SLC16A12: variants seen among roughly 807,000 people sequenced by gnomAD.
SLC16A12 encodes the protein solute carrier family 16 member 12.
In SLC16A12, 17 loss-of-function variants were observed where a neutral mutation model predicts 42.4. The observed-to-expected ratio is 0.40, with a 90% CI of 0.27 to 0.60. The LOEUF is 0.60. Ranked by LOEUF, SLC16A12 falls within the 20% of genes least tolerant of loss-of-function variation. The probability of loss-of-function intolerance (pLI) is 0.42; values close to 1 mark genes in which losing one functional copy is unlikely to be tolerated. For synonymous variants in SLC16A12, 224 were observed against 229.4 expected (o/e 0.98, Z 0.21); for missense variants, 544 against 623.0 (o/e 0.87, Z 1.35).
intron 2 of SLC16A12, among the ~76,000 whole-genome samples, chr10:89,533,896 T>C (rs544348625): frequency 3.3e-5 from 5 of 152,128 alleles, no homozygotes; most frequent in African/African-American, 9.6e-5. Flanking sequence ...GCTAGTCATA[T>C]TATTTTTGCT....
chr10:89,436,439 G>A lies in SLC16A12; in HGVS notation c.1029-120C>T, dbSNP rs967378768. On this transcript the variant is annotated intron_variant, in intron 6 of 7. Transcript: ENST00000371790. ...TTTACAGAGATGGCTTTCCCATTGT[G>A]TGTTATGTATGCTGTCTTCCTATCT... 17 of 1,199,646 alleles carry A rather than the reference G, an allele frequency of 1.4e-5. No homozygotes were observed. In the African/African-American group the frequency reaches 2.1e-4, roughly 15 times the overall value. 74.3% of individuals were successfully genotyped at this position (1,199,646 alleles called of 1,614,324 possible). A position where few individuals can be genotyped will look rare whatever the true frequency, so the allele number is the denominator to read the frequency against.
chr10:89,444,007 A>G (rs1841958342), intron 3 of SLC16A12, 148 bp from the exon 4 acceptor site: 3 of 673,736 alleles, frequency 4.5e-6, no homozygotes, highest in Admixed American at 2.1e-5. Context: ...GAAGCTGACC[A>G]TTTGGGCCAT....
chr10:89,444,827 G>T (rs1841972722), intron 3 of SLC16A12, among the ~76,000 whole-genome samples: 1 of 152,170 alleles, frequency 6.6e-6, no homozygotes, highest in African/African-American at 2.4e-5. Flanking sequence ...AAGCACAAGG[G>T]GATTTCCCTT....
intron 2 of SLC16A12, among the ~76,000 whole-genome samples, chr10:89,542,069 G>A (rs1040782901): frequency 2.6e-5 from 4 of 152,138 alleles, no homozygotes; most frequent in Admixed American, 1.3e-4. Flanking sequence ...TGACAAATAC[G>A]AGAGTGGCGG....
At chr10:89,439,785 T>C (rs1211583304) in intron 5 of SLC16A12, among the ~76,000 whole-genome samples, 2 of 152,086 alleles carry the variant, frequency 1.3e-5, no homozygotes, top group African/African-American at 4.8e-5. Context: ...GACCTTCAAC[T>C]TTTGGGCTGG....
At chr10:89,454,375 C>T (rs1842148732) in intron 3 of SLC16A12, among the ~76,000 whole-genome samples, 1 of 152,114 alleles carries the variant, frequency 6.6e-6, no homozygotes, top group South Asian at 2.1e-4. Context: ...ACACCAGCAC[C>T]TTTCTCTGGT....
intron 2 of SLC16A12, among the ~76,000 whole-genome samples, chr10:89,525,085 G>A (rs1167605275): frequency 1.3e-5 from 2 of 152,140 alleles, no homozygotes; most frequent in African/African-American, 2.4e-5. Flanking sequence ...CCTGGGCGTG[G>A]CGCCGTGCGC....
chr10:89,462,699 C>A, intron 2 of SLC16A12, 75 bp from the exon 3 acceptor site: 1 of 1,421,772 alleles, frequency 7.0e-7, no homozygotes, highest in Non-Finnish European at 9.2e-7. Flanking sequence ...CTTGGTAAGA[C>A]ATGATTATTA....
chr10:89,513,005 C>G (rs1247420515), intron 2 of SLC16A12, among the ~76,000 whole-genome samples: 1 of 152,150 alleles, frequency 6.6e-6, no homozygotes, highest in Non-Finnish European at 1.5e-5. Context: ...TGGAGGACTA[C>G]TCAGTGTGGA....
chr10:89,518,649 T>C (rs965142722), intron 2 of SLC16A12, among the ~76,000 whole-genome samples: 1 of 152,078 alleles, frequency 6.6e-6, no homozygotes, highest in Non-Finnish European at 1.5e-5. Flanking sequence ...TTTAGGAAGA[T>C]TAGGATTGAA....
chr10:89,529,919 C>A (rs964658035), intron 2 of SLC16A12, among the ~76,000 whole-genome samples: 4 of 152,106 alleles, frequency 2.6e-5, no homozygotes, highest in Non-Finnish European at 5.9e-5. Flanking sequence ...TCTCTAGATA[C>A]AGAAATGAGT....
At chr10:89,433,814 T>C (rs1841733398) in intron 7 of SLC16A12, among the ~76,000 whole-genome samples, 1 of 152,176 alleles carries the variant, frequency 6.6e-6, no homozygotes, top group African/African-American at 2.4e-5. Context: ...AGTTTGAAAA[T>C]CAGAACTTTC....
exon 2 of SLC16A12, chr10:89,555,908 G>A (rs1041440850): frequency 1.3e-5 from 2 of 150,960 alleles, no homozygotes; most frequent in African/African-American, 2.4e-5. Flanking sequence ...TCTGTGATGC[G>A]GTCACGGCTT....
chr10:89,438,943 T>G lies in SLC16A12; in HGVS notation c.689A>C (p.Lys230Thr), dbSNP rs1841854307. 6.2e-7 allele frequency: 1 copy of G among 1,614,046 alleles called. No individual in the cohort carries two copies. Among genetic ancestry groups the G allele is most frequent in the Non-Finnish European group, 8.5e-7 (1 of 1,180,030 alleles). The change falls in exon 6 of 8, where the codon AAA becomes ACA. Residue 230 changes from lysine (K) to threonine (T), a missense_variant. Physicochemically the swap from Lys to Thr is moderately conservative, Grantham distance 78. Transcript: ENST00000371790. Reference sequence around the variant, plus strand: ...CTGCTCTGGAGTTGTGTGGTCCTCTTTAAGAGTAATTGGCCTCATCAAGGC... The same window carrying G: ...CTGCTCTGGAGTTGTGTGGTCCTCTGTAAGAGTAATTGGCCTCATCAAGGC... Reference protein sequence around the residue: ...CGALMRPITLKEDHTTPEQNH... With the variant: ...CGALMRPITLTEDHTTPEQNH...
chr10:89,489,500 G>A (rs775836376), intron 2 of SLC16A12, among the ~76,000 whole-genome samples: 5 of 151,822 alleles, frequency 3.3e-5, no homozygotes, highest in African/African-American at 7.3e-5. Flanking sequence ...CACTGTACCC[G>A]GCTAACTTTT....
At chr10:89,486,604 AAAGAAAGAAAGAAAGAAAGAAAGAAAG>A (rs1393483687) in intron 2 of SLC16A12, among the ~76,000 whole-genome samples, 1 of 38,182 alleles carries the variant, frequency 2.6e-5, no homozygotes, top group African/African-American at 1.2e-4. Flanking sequence ...AAAAAAAAAA[AAAGAAAGAAAGAAAGAAAGAAAGAAAG>A]AAAGAAAGAA....
chr10:89,541,582 G>A (rs1843716358), intron 2 of SLC16A12, among the ~76,000 whole-genome samples: 3 of 152,274 alleles, frequency 2.0e-5, no homozygotes, highest in South Asian at 2.1e-4. Context: ...ACTAGACCCA[G>A]TCTCTAAAAA....
chr10:89,469,638 C>T (rs1842462196), intron 2 of SLC16A12, among the ~76,000 whole-genome samples: 1 of 152,130 alleles, frequency 6.6e-6, no homozygotes, highest in African/African-American at 2.4e-5. Context: ...GTATTCTCAC[C>T]TTATAAATTT....
chr10:89,436,319 C>T lies in SLC16A12; in HGVS notation c.1029G>A (p.Arg343=), dbSNP rs1841785861. The T allele has an allele frequency of 1.2e-6, 2 of 1,614,004 alleles. No homozygotes were observed. Among genetic ancestry groups the T allele is most frequent in the Non-Finnish European group, 1.7e-6 (2 of 1,179,930 alleles). The change falls in exon 7 of 8, where the codon AGG becomes AGA. Residue 343 remains arginine (R), a splice_region_variant and synonymous_variant. Coordinates refer to ENST00000371790, the MANE Select transcript of SLC16A12 (RefSeq NM_213606.4). The part of the protein sequence containing the change: ...NITFGWLTDR[R]CLKNYQYVCY... ...AAACATACTGGTAATTCTTCAGACA[C>T]CTGTAGATTTGAAGAACAAGAATAA... is the stretch of plus-strand genomic sequence containing the variant.
Sources: allele counts gnomAD v4.1 joint callset (sites outside exome capture counted in the v4.1 genomes callset), GRCh38; gene constraint gnomAD v4.1.1; transcripts MANE v1.5; gene names NCBI Gene and HGNC (gene_info 2026-07-23, HGNC 2026-07-21).